The following DIPK1A variants were observed in gnomAD, a reference collection of about 807,000 sequenced individuals.
DIPK1A encodes the protein divergent protein kinase domain 1A, also known as family with sequence similarity 69 member A.
A neutral mutation model predicts 40.8 loss-of-function variants in DIPK1A; 27 were observed. The observed-to-expected ratio is 0.66, with a 90% CI of 0.49 to 0.91. The LOEUF (loss-of-function observed/expected upper bound fraction) is 0.91. Ranked by LOEUF, DIPK1A falls within the 40% of genes least tolerant of loss-of-function variation. The pLI is 0.00. For synonymous variants in DIPK1A, 166 were observed against 171.3 expected (o/e 0.97, Z 0.24); for missense variants, 412 against 505.7 (o/e 0.81, Z 1.78).
Position 92,834,921 on chromosome 1 carries a change from C to A in DIPK1A, c.475-1887G>T, listed in dbSNP as rs757380425. The A allele has an allele frequency of 6.2e-7, 1 of 1,600,318 alleles. No homozygotes were observed. Among genetic ancestry groups the A allele is most frequent in the Admixed American group, 1.7e-5 (1 of 60,014 alleles). ...CTGCTGCTGGCCCGCAGGGTATGTACAAGATGATTTTAATTGATGTAGTTT... is the reference window on the plus strand; with the variant it reads ...CTGCTGCTGGCCCGCAGGGTATGTAAAAGATGATTTTAATTGATGTAGTTT... On this transcript the variant is annotated intron_variant, in intron 4 of 4. Transcript: ENST00000615519.
chr1:92,875,532 C>T (rs970210087), intron 2 of DIPK1A, among the ~76,000 whole-genome samples: 4 of 151,912 alleles, frequency 2.6e-5, no homozygotes, highest in Admixed American at 6.6e-5. Flanking sequence ...GCCTGGGCAA[C>T]ATGGTGAAAC....
At chr1:92,922,543 T>G (rs879675696) in intron 1 of DIPK1A, among the ~76,000 whole-genome samples, 29 of 152,306 alleles carry the variant, frequency 1.9e-4, no homozygotes, top group Admixed American at 7.2e-4. Flanking sequence ...GACTCATCCA[T>G]GGACACGGTT....
chr1:92,905,459 C>T (rs949688028), intron 1 of DIPK1A, among the ~76,000 whole-genome samples: 16 of 152,134 alleles, frequency 1.1e-4, no homozygotes, highest in African/African-American at 3.9e-4. Flanking sequence ...GATCTTTTGC[C>T]CATTTTAAAA....
intron 3 of DIPK1A, 38 bp from the exon 4 acceptor site, chr1:92,847,397 A>G (rs775756601): frequency 2.2e-6 from 3 of 1,351,556 alleles, no homozygotes; most frequent in Non-Finnish European, 3.0e-6. Context: ...TATTATACTG[A>G]GTAGAAAACT....
In DIPK1A at chr1:92,924,586, C is replaced by T. The variant is rs139611261; in HGVS notation, c.54+36790G>A. On this transcript the variant is annotated intron_variant, in intron 1 of 4. Transcript: ENST00000370310. ...GGGCCCTGAGCTCTACACAGCCCTC[C>T]GTATTTCTAGGCAAAAGAGATAGTG... Among the ~76,000 whole-genome samples, 6 of 152,264 alleles carry T rather than the reference C, an allele frequency of 3.9e-5. No homozygotes were observed. The East Asian group carries it at 9.7e-4, about 25-fold the overall frequency.
At chr1:92,904,124 T>C (rs540156294) in intron 1 of DIPK1A, among the ~76,000 whole-genome samples, 75 of 152,346 alleles carry the variant, frequency 4.9e-4, no homozygotes, top group South Asian at 1.0e-3. Context: ...ACAAAACTTA[T>C]AGAAAATGTT....
rs529616467 is a variant in DIPK1A at position 92,897,399 on chromosome 1, G to C, written c.55-20969C>G. The stretch of plus-strand genomic sequence containing the variant: ...AAACCATCATTCTCAGCAAACTATC[G>C]CAAGGACAAAAAAAACAAACACCGC... On this transcript the variant is annotated intron_variant, in intron 1 of 4. Transcript: ENST00000370310. Among the ~76,000 whole-genome samples the C allele has an allele frequency of 3.3e-5, 5 of 151,822 alleles. No individual in the cohort carries two copies. The South Asian group carries it at 1.0e-3, about 32-fold the overall frequency.
intron 3 of DIPK1A, among the ~76,000 whole-genome samples, chr1:92,848,413 C>G (rs2100721399): frequency 6.6e-6 from 1 of 152,292 alleles, no homozygotes; most frequent in South Asian, 2.1e-4. Context: ...CCCAGCTACA[C>G]TGGTCTTTCT....
chr1:92,856,736 G>A (rs1339819245), intron 2 of DIPK1A, among the ~76,000 whole-genome samples: 1 of 151,946 alleles, frequency 6.6e-6, no homozygotes, highest in Non-Finnish European at 1.5e-5. Context: ...TAGTTTTAAG[G>A]AAGGAAAAAA....
At chr1:92,836,477 A>G (rs1557441170) in intron 4 of DIPK1A, 4 of 1,255,960 alleles carry the variant, frequency 3.2e-6, no homozygotes, top group East Asian at 2.3e-5. Flanking sequence ...TAACCGAATT[A>G]AAGTAGCTAT....
At position 92,842,725 on chromosome 1, in the gene DIPK1A, ATCTTTAGG is replaced by A; in HGVS notation, c.*650_*657del. On this transcript the variant is annotated 3_prime_UTR_variant, in exon 5 of 5. Transcript: ENST00000370310. ...CGTGATACTAAGATGGGCCCTTTGAATCTTTAGGAAAGTTCATCCATTTTTAGTCAATA... is the reference window on the plus strand; with the variant it reads ...CGTGATACTAAGATGGGCCCTTTGAAAAAGTTCATCCATTTTTAGTCAATA... 2 of 985,450 alleles carry A rather than the reference ATCTTTAGG, an allele frequency of 2.0e-6. No individual in the cohort carries two copies. The highest frequency in any genetic ancestry group is 2.4e-6 in the Non-Finnish European group (2 of 829,952). The allele number at this position is 985,450 out of a possible 1,614,324, so 61.0% of individuals were successfully genotyped here. A position where few individuals can be genotyped will look rare whatever the true frequency, so the allele number is the denominator to read the frequency against.
At chr1:92,841,917 A>G, downstream of DIPK1A, 5 of 1,355,106 alleles carry the variant, frequency 3.7e-6, no homozygotes, top group Non-Finnish European at 5.2e-6. Context: ...ACTTATGAAC[A>G]GCAACTATTT....
intron 2 of DIPK1A, among the ~76,000 whole-genome samples, chr1:92,865,664 A>T (rs1257385922): frequency 6.6e-6 from 1 of 152,234 alleles, no homozygotes; most frequent in African/African-American, 2.4e-5. Context: ...TCATATTTTT[A>T]CTAAAACTGA....
In DIPK1A at chr1:92,892,986, G is replaced by A. The variant is rs189059523; in HGVS notation, c.55-16556C>T. ...AGAAAGAAATGAACAAAGCCTCCAA[G>A]AAATATGTGACTATGTGAAAAGACC... On this transcript the variant is annotated intron_variant, in intron 1 of 4. Transcript: ENST00000370310. Among the ~76,000 whole-genome samples the A allele has an allele frequency of 3.1e-3, 470 of 152,212 alleles. 7 individuals are homozygous for A. The highest frequency in any genetic ancestry group is 0.011 in the African/African-American group (456 of 41,458).
At chr1:92,846,821 A>ATG (rs1553123783) in intron 4 of DIPK1A, among the ~76,000 whole-genome samples, 11 of 4,040 alleles carry the variant, frequency 2.7e-3, no homozygotes, top group African/African-American at 7.9e-3. Flanking sequence ...ATATATATAT[A>ATG]TATATATATA....
chr1:92,851,029 C>CT, intron 2 of DIPK1A, 74 bp from the exon 3 acceptor site: 1 of 911,950 alleles, frequency 1.1e-6, no homozygotes, highest in Non-Finnish European at 1.7e-6. Flanking sequence ...ATATCTATAT[C>CT]CTTTATGAGT....
Position 92,961,435 on chromosome 1 carries a change from T to TCACA in DIPK1A, c.-10_-7dup. ...GGACAGAGACTCCTCGCCATGGTAA[T>TCACA]CACACATCGCCCCGCCGCGCTGCAG... is the stretch of plus-strand genomic sequence containing the variant. On this transcript the variant is annotated 5_prime_UTR_variant, in exon 1 of 5. An upstream open reading frame in the 5' UTR gains an earlier in-frame stop. Transcript: ENST00000370310. 6.7e-7 allele frequency: 1 copy of TCACA among 1,503,402 alleles called. No individual in the cohort carries two copies. Among genetic ancestry groups the TCACA allele is most frequent in the Non-Finnish European group, 8.9e-7 (1 of 1,121,694 alleles). 93.1% of individuals were successfully genotyped at this position (1,503,402 alleles called of 1,614,324 possible). A position where few individuals can be genotyped will look rare whatever the true frequency, so the allele number is the denominator to read the frequency against.
At chr1:92,929,969 A>G (rs1650680034) in intron 1 of DIPK1A, among the ~76,000 whole-genome samples, 1 of 152,186 alleles carries the variant, frequency 6.6e-6, no homozygotes, top group South Asian at 2.1e-4. Flanking sequence ...CCTGGGCTTC[A>G]CTCCAACTAA....
At chr1:92,833,922 A>G (rs1571024993) in intron 4 of DIPK1A, 1 of 460,910 alleles carries the variant, frequency 2.2e-6, no homozygotes, top group East Asian at 4.3e-5. Context: ...CCTGGGCAAT[A>G]TAGTGAGAGT....
Sources: gnomAD v4.1 joint callset for allele counts (sites outside exome capture counted in the v4.1 genomes callset) on GRCh38, gnomAD v4.1.1 for gene constraint, MANE v1.5 for transcripts, NCBI Gene and HGNC (gene_info 2026-07-23, HGNC 2026-07-21) for gene names.